The following UBL3 variants were observed in gnomAD, a reference collection of about 807,000 sequenced individuals.
The protein encoded by UBL3 is ubiquitin like 3.
In UBL3, 6 loss-of-function variants were observed where a neutral mutation model predicts 18.4. That is an observed-to-expected ratio of 0.33 (90% CI 0.18 to 0.64). UBL3 has a LOEUF of 0.64. Among genes scored for constraint, UBL3 ranks in the 30% least tolerant of loss-of-function variants. The pLI, the probability that UBL3 is intolerant of heterozygous loss-of-function variation, is 0.76. For missense variants in UBL3, 109 were observed against 142.9 expected (o/e 0.76, Z 1.21); for synonymous variants, 49 against 46.6 (o/e 1.05, Z -0.21).
intron 1 of UBL3, among the ~76,000 whole-genome samples, chr13:29,827,626 T>C: frequency 6.6e-6 from 1 of 152,234 alleles, no homozygotes; most frequent in Non-Finnish European, 1.5e-5. Context: ...GTCTTGACTC[T>C]TTATCCAATT....
In UBL3 at chr13:29,850,246, G is replaced by A. The variant is rs1273169872; in HGVS notation, c.-708C>T. On this transcript the variant is annotated 5_prime_UTR_variant, in exon 1 of 5. Coordinates refer to ENST00000380680, the MANE Select transcript of UBL3 (RefSeq NM_007106.4). ...GCGCGGGGGTGCTCGGGGCCGGCCG[G>A]GACACTCCACAGCCCCTCTGGGCTC... is the stretch of plus-strand genomic sequence containing the variant. 6.5e-6 allele frequency: 1 copy of A among 153,156 alleles called. No individual in the cohort carries two copies. The highest frequency in any genetic ancestry group is 1.5e-5 in the Non-Finnish European group (1 of 68,588). The allele number at this position is 153,156 out of a possible 1,614,324, so 9.5% of individuals were successfully genotyped here.
intron 1 of UBL3, among the ~76,000 whole-genome samples, chr13:29,807,958 C>T (rs1336472777): frequency 1.3e-5 from 2 of 152,076 alleles, no homozygotes; most frequent in East Asian, 1.9e-4. Flanking sequence ...TTACAATAGT[C>T]TATTTTATAA....
At chr13:29,782,229 A>T (rs991273704) in intron 1 of UBL3, among the ~76,000 whole-genome samples, 2 of 151,806 alleles carry the variant, frequency 1.3e-5, no homozygotes, top group Non-Finnish European at 2.9e-5. Flanking sequence ...CTTTTTTTCC[A>T]CTCACAAGCT....
At chr13:29,838,319 T>TA (rs1230362322) in intron 1 of UBL3, among the ~76,000 whole-genome samples, 3 of 152,056 alleles carry the variant, frequency 2.0e-5, no homozygotes, top group Non-Finnish European at 4.4e-5. Context: ...GTTCCTTGGA[T>TA]AAAACGATAA....
Position 29,803,314 on chromosome 13 carries a change from G to A in UBL3, c.28-26051C>T, listed in dbSNP as rs1877819154. 3.3e-5 allele frequency among the ~76,000 whole-genome samples: 5 copies of A among 151,964 alleles called. No individual in the cohort carries two copies. In the South Asian group the frequency reaches 1.0e-3, roughly 32 times the overall value. ...TTACTAGCCACTACAGAAACACACA[G>A]AAGTACATACTAAAAAAACAAAAGT... On this transcript the variant is annotated intron_variant, in intron 1 of 4. Coordinates refer to ENST00000380680, the MANE Select transcript of UBL3 (RefSeq NM_007106.4).
At chr13:29,800,178 T>A (rs1046726190) in intron 1 of UBL3, among the ~76,000 whole-genome samples, 1 of 152,246 alleles carries the variant, frequency 6.6e-6, no homozygotes, top group Non-Finnish European at 1.5e-5. Flanking sequence ...TTCAAATCAA[T>A]AAATCACTGA....
At chr13:29,825,989 G>A (rs1042863629) in intron 1 of UBL3, among the ~76,000 whole-genome samples, 93 of 152,138 alleles carry the variant, frequency 6.1e-4, no homozygotes, top group African/African-American at 2.1e-3. Context: ...TTTATATGCT[G>A]GATTATGTTT....
intron 1 of UBL3, among the ~76,000 whole-genome samples, chr13:29,803,829 C>T (rs2139335033): frequency 6.6e-6 from 1 of 152,166 alleles, no homozygotes; most frequent in East Asian, 1.9e-4. Context: ...GATCTCCACA[C>T]AATAATAGTT....
intron 1 of UBL3, among the ~76,000 whole-genome samples, chr13:29,835,167 T>A (rs59151003): frequency 8.9e-5 from 5 of 56,376 alleles, no homozygotes; most frequent in African/African-American, 1.6e-4. Context: ...TATATATATA[T>A]ATATATATAT....
chr13:29,843,265 CAG>C lies in UBL3; in HGVS notation c.27+6245_27+6246del, dbSNP rs1270195336. On this transcript the variant is annotated intron_variant, in intron 1 of 4. Transcript: ENST00000380680. The stretch of plus-strand genomic sequence containing the variant: ...CATAGTATAAAACATATACTAAAAA[CAG>C]AAATTAAAAGATTAAAATTTTGTTT... Among the ~76,000 whole-genome samples the C allele has an allele frequency of 2.0e-5, 3 of 152,052 alleles. No individual in the cohort carries two copies. In the East Asian group the frequency reaches 5.8e-4, roughly 29 times the overall value.
chr13:29,776,693 A>G (rs1459865207), intron 2 of UBL3, among the ~76,000 whole-genome samples: 1 of 151,890 alleles, frequency 6.6e-6, no homozygotes, highest in Non-Finnish European at 1.5e-5. Flanking sequence ...CGACATGGTG[A>G]AACCCTGTTT....
At chr13:29,809,541 C>A (rs1010355628) in intron 1 of UBL3, among the ~76,000 whole-genome samples, 1 of 152,122 alleles carries the variant, frequency 6.6e-6, no homozygotes, top group African/African-American at 2.4e-5. Flanking sequence ...AGCAGTGGAG[C>A]ATGGTCCAAT....
At chr13:29,806,804 C>A (rs1241249443) in intron 1 of UBL3, among the ~76,000 whole-genome samples, 1 of 152,194 alleles carries the variant, frequency 6.6e-6, no homozygotes, top group Non-Finnish European at 1.5e-5. Flanking sequence ...CCCAGTGATA[C>A]ACGTGCAAAC....
chr13:29,844,960 CGAA>C (rs1555235379), intron 1 of UBL3, among the ~76,000 whole-genome samples: 1 of 151,794 alleles, frequency 6.6e-6, no homozygotes, highest in Non-Finnish European at 1.5e-5. Context: ...CTGTAAGTAA[CGAA>C]GACAGTAATA....
chr13:29,830,618 T>C (rs1014696007), intron 1 of UBL3, among the ~76,000 whole-genome samples: 1 of 152,208 alleles, frequency 6.6e-6, no homozygotes, highest in Non-Finnish European at 1.5e-5. Context: ...AGCCCTACTA[T>C]TCTGTAATAG....
At chr13:29,792,088 G>A (rs1485211102) in intron 1 of UBL3, among the ~76,000 whole-genome samples, 2 of 152,060 alleles carry the variant, frequency 1.3e-5, no homozygotes, top group African/African-American at 4.8e-5. Flanking sequence ...AATTCATATA[G>A]TCAACCTCAG....
At chr13:29,812,361 T>C (rs934437666) in intron 1 of UBL3, among the ~76,000 whole-genome samples, 1 of 152,076 alleles carries the variant, frequency 6.6e-6, no homozygotes, top group Non-Finnish European at 1.5e-5. Context: ...ACTTTAAGTA[T>C]ATGCAGCTCA....
At chr13:29,835,028 A>G (rs1474566987) in intron 1 of UBL3, among the ~76,000 whole-genome samples, 1 of 145,638 alleles carries the variant, frequency 6.9e-6, no homozygotes, top group Non-Finnish European at 1.5e-5. Flanking sequence ...TGAAAAATCT[A>G]CTATACAAAA....
intron 1 of UBL3, among the ~76,000 whole-genome samples, chr13:29,836,146 A>G (rs1230958539): frequency 1.3e-5 from 2 of 152,172 alleles, no homozygotes; most frequent in Non-Finnish European, 2.9e-5. Context: ...TGGATTCTAG[A>G]TATACTTTGA....
Sources: allele counts gnomAD v4.1 joint callset (sites outside exome capture counted in the v4.1 genomes callset), GRCh38; gene constraint gnomAD v4.1.1; transcripts MANE v1.5; gene names NCBI Gene and HGNC (gene_info 2026-07-23, HGNC 2026-07-21).